DNAI3: variants seen among roughly 807,000 people sequenced by gnomAD.
DNAI3 encodes the protein dynein axonemal intermediate chain 3.
DNAI3 carries 83 observed loss-of-function variants against 115.5 expected under a neutral mutation model. That is an observed-to-expected ratio of 0.72 (90% CI 0.60 to 0.86). The LOEUF (loss-of-function observed/expected upper bound fraction) is 0.86. Ranked by LOEUF, DNAI3 falls within the 40% of genes least tolerant of loss-of-function variation. The probability of loss-of-function intolerance (pLI) is 0.00; values close to 1 mark genes in which losing one functional copy is unlikely to be tolerated. For missense variants in DNAI3, 1,004 were observed against 1,075.8 expected, an observed-to-expected ratio of 0.93 and a Z score of 0.93; for synonymous variants, 320 against 347.0, an observed-to-expected ratio of 0.92 and a Z score of 0.86.
At chr1:85,102,834 T>C (rs1318745753) in intron 13 of DNAI3, among the ~76,000 whole-genome samples, 2 of 152,250 alleles carry the variant, frequency 1.3e-5, no homozygotes, top group Non-Finnish European at 2.9e-5. Context: ...GGGAGAATTA[T>C]ATATGATTCT....
intron 16 of DNAI3, among the ~76,000 whole-genome samples, chr1:85,115,863 C>A (rs958087901): frequency 6.6e-6 from 1 of 152,188 alleles, no homozygotes; most frequent in African/African-American, 2.4e-5. Context: ...CTCTTTCGCC[C>A]ACCTGCTGCT....
intron 9 of DNAI3, chr1:85,093,980 C>T (rs1655056036): frequency 4.1e-6 from 2 of 483,732 alleles, no homozygotes; most frequent in Non-Finnish European, 8.0e-6. Context: ...ATTTCTTCCT[C>T]CTAACACTGC....
chr1:85,072,756 C>T lies in DNAI3; in HGVS notation c.65-298C>T, dbSNP rs536747648. Among the ~76,000 whole-genome samples the T allele has an allele frequency of 1.5e-4, 23 of 151,502 alleles. No individual in the cohort carries two copies. In the East Asian group the frequency reaches 3.9e-3, roughly 26 times the overall value. On this transcript the variant is annotated intron_variant, in intron 2 of 22. Coordinates refer to ENST00000294664, the MANE Select transcript of DNAI3 (RefSeq NM_145172.5). The stretch of plus-strand genomic sequence containing the variant: ...GGATCACAAGGTCAGGAGATGGAGA[C>T]CATCCTGGTTGACACGGTGAAACCC...
intron 21 of DNAI3, among the ~76,000 whole-genome samples, chr1:85,129,777 A>G (rs1656258490): frequency 6.6e-6 from 1 of 152,186 alleles, no homozygotes; most frequent in Non-Finnish European, 1.5e-5. Flanking sequence ...CAATTTCCAA[A>G]TTATATTCAC....
chr1:85,066,635 C>A (rs568827016), intron 1 of DNAI3, among the ~76,000 whole-genome samples: 1 of 151,842 alleles, frequency 6.6e-6, no homozygotes, highest in Non-Finnish European at 1.5e-5. Context: ...GCCTCTTCTG[C>A]GACTCTTAAT....
At chr1:85,084,266 A>ATT (rs1222224100) in intron 5 of DNAI3, among the ~76,000 whole-genome samples, 4 of 108,088 alleles carry the variant, frequency 3.7e-5, no homozygotes, top group African/African-American at 1.2e-4. Flanking sequence ...ATATATATAT[A>ATT]TATATATATA....
intron 5 of DNAI3, among the ~76,000 whole-genome samples, chr1:85,082,766 C>T (rs1426179258): frequency 2.0e-5 from 3 of 152,146 alleles, no homozygotes; most frequent in Non-Finnish European, 4.4e-5. Context: ...GGACCCAGAT[C>T]GGGTTCTGGC....
intron 1 of DNAI3, among the ~76,000 whole-genome samples, chr1:85,063,833 G>A (rs966017922): frequency 6.6e-6 from 1 of 152,116 alleles, no homozygotes; most frequent in Admixed American, 6.5e-5. Context: ...GATTCAGGGA[G>A]GAGAATCTGT....
chr1:85,116,548 G>A (rs1655822324), intron 16 of DNAI3, among the ~76,000 whole-genome samples: 1 of 152,062 alleles, frequency 6.6e-6, no homozygotes, highest in Non-Finnish European at 1.5e-5. Flanking sequence ...ATATATTTGT[G>A]TACATGATTT....
At position 85,081,557 on chromosome 1, in the gene DNAI3, T is replaced by C. The variant is rs943474032; in HGVS notation, c.285+142T>C. 4.9e-6 allele frequency: 3 copies of C among 616,954 alleles called. No homozygotes were observed. In the African/African-American group the frequency reaches 5.8e-5, roughly 12 times the overall value. The allele number at this position is 616,954 out of a possible 1,614,324, so 38.2% of individuals were successfully genotyped here. A position where few individuals can be genotyped will look rare whatever the true frequency, so the allele number is the denominator to read the frequency against. Reference sequence around the variant, plus strand: ...TAGCTTGCCCACCCCTCCTTGGGAATCCTGTTTGATGATCCTCTGTGAAAA... The same window carrying C: ...TAGCTTGCCCACCCCTCCTTGGGAACCCTGTTTGATGATCCTCTGTGAAAA... On this transcript the variant is annotated intron_variant, in intron 4 of 22. Coordinates refer to ENST00000294664, the MANE Select transcript of DNAI3 (RefSeq NM_145172.5).
intron 8 of DNAI3, among the ~76,000 whole-genome samples, chr1:85,091,983 GA>G (rs1571172297): frequency 6.6e-6 from 1 of 152,324 alleles, no homozygotes; most frequent in East Asian, 1.9e-4. Context: ...GGCTTAACCA[GA>G]AAGAAATATG....
chr1:85,097,498 A>T, intron 11 of DNAI3, 71 bp from the exon 12 acceptor site: 3 of 1,408,364 alleles, frequency 2.1e-6, no homozygotes, highest in Non-Finnish European at 1.9e-6. Context: ...ACAAACCAAT[A>T]GTTAAAAGAA....
chr1:85,113,367 T>G (rs557667110), intron 16 of DNAI3, among the ~76,000 whole-genome samples: 5 of 152,214 alleles, frequency 3.3e-5, no homozygotes, highest in Non-Finnish European at 5.9e-5. Context: ...TTTAGGGCTA[T>G]GATTTCTTTT....
chr1:85,119,872 G>A (rs1655939998), intron 17 of DNAI3, among the ~76,000 whole-genome samples: 1 of 151,914 alleles, frequency 6.6e-6, no homozygotes, highest in Admixed American at 6.6e-5. Context: ...TAATTTTTTT[G>A]TATTTTTAGT....
At chr1:85,128,243 A>G (rs1656208810) in intron 20 of DNAI3, among the ~76,000 whole-genome samples, 1 of 152,050 alleles carries the variant, frequency 6.6e-6, no homozygotes, top group Non-Finnish European at 1.5e-5. Flanking sequence ...ACTTGTTTTT[A>G]CAATAAGACC....
At chr1:85,113,980 T>C (rs1655735118) in intron 16 of DNAI3, among the ~76,000 whole-genome samples, 1 of 151,898 alleles carries the variant, frequency 6.6e-6, no homozygotes, top group African/African-American at 2.4e-5. Flanking sequence ...AATTTCCAAT[T>C]GTTCACTGCC....
intron 8 of DNAI3, among the ~76,000 whole-genome samples, chr1:85,092,022 A>G (rs758761692): frequency 3.9e-5 from 6 of 152,200 alleles, no homozygotes; most frequent in Non-Finnish European, 8.8e-5. Context: ...TAATGCTTCT[A>G]CTGGAAACTG....
At chr1:85,116,935 G>GT (rs927706715) in intron 16 of DNAI3, among the ~76,000 whole-genome samples, 1 of 152,064 alleles carries the variant, frequency 6.6e-6, no homozygotes, top group East Asian at 1.9e-4. Flanking sequence ...TTATGCTAAA[G>GT]TTTTTTTTAA....
intron 16 of DNAI3, among the ~76,000 whole-genome samples, chr1:85,116,594 G>A (rs763823603): frequency 1.4e-4 from 22 of 152,176 alleles, no homozygotes; most frequent in Non-Finnish European, 2.9e-4. Flanking sequence ...TGTGAGTGAA[G>A]AATTTGAAAT....
Sources: gnomAD v4.1 joint callset for allele counts (sites outside exome capture counted in the v4.1 genomes callset) on GRCh38, gnomAD v4.1.1 for gene constraint, MANE v1.5 for transcripts, NCBI Gene and HGNC (gene_info 2026-07-23, HGNC 2026-07-21) for gene names.